The following SLC30A8 variants were observed in gnomAD, a reference collection of about 807,000 sequenced individuals.
SLC30A8 encodes the protein solute carrier family 30 member 8.
Under a neutral mutation model 36.9 loss-of-function variants are expected in SLC30A8, and 27 were observed. The ratio of observed to expected loss-of-function variants is 0.73; its 90% CI spans 0.54 to 1.01. SLC30A8 has a LOEUF of 1.01. Ranked by LOEUF, SLC30A8 falls within the 50% of genes least tolerant of loss-of-function variation. The pLI is 0.00. For missense variants in SLC30A8, 439 were observed against 452.0 expected, an observed-to-expected ratio of 0.97 and a Z score of 0.26; for synonymous variants, 164 against 172.4, an observed-to-expected ratio of 0.95 and a Z score of 0.38.
intron 1 of SLC30A8, among the ~76,000 whole-genome samples, chr8:116,996,608 G>A (rs571281984): frequency 1.3e-5 from 2 of 152,196 alleles, no homozygotes; most frequent in South Asian, 4.1e-4. Context: ...TGAGCAGGAA[G>A]GGTGATCTTG....
At chr8:117,097,817 T>TATATAATTTTAAATAA (rs1819493320) in intron 2 of SLC30A8, among the ~76,000 whole-genome samples, 2 of 73,090 alleles carry the variant, frequency 2.7e-5, no homozygotes, top group African/African-American at 5.4e-5. Flanking sequence ...TTTAAATAAA[T>TATATAATTTTAAATAA]ATATATATTA....
chr8:117,029,288 G>T (rs1055202864), intron 1 of SLC30A8, among the ~76,000 whole-genome samples: 11 of 152,066 alleles, frequency 7.2e-5, no homozygotes, highest in African/African-American at 2.7e-4. Context: ...TAATACTCAG[G>T]TCCTTGCAAT....
chr8:117,072,064 G>A (rs576398220), intron 2 of SLC30A8, among the ~76,000 whole-genome samples: 2 of 152,294 alleles, frequency 1.3e-5, no homozygotes, highest in South Asian at 4.1e-4. Flanking sequence ...ATTAACATAC[G>A]ATTGGAGGGC....
At chr8:117,077,457 C>T (rs759738011) in intron 2 of SLC30A8, among the ~76,000 whole-genome samples, 54 of 152,146 alleles carry the variant, frequency 3.5e-4, no homozygotes, top group Admixed American at 2.3e-3. Flanking sequence ...GTGCTATTGG[C>T]ATTGGATTTT....
At chr8:117,171,210 T>A in intron 7 of SLC30A8, 42 bp downstream of exon 7, 5 of 1,605,790 alleles carry the variant, frequency 3.1e-6, no homozygotes, top group Non-Finnish European at 4.3e-6. Flanking sequence ...ATTCAGTCCT[T>A]GTCCTGTAAA....
At chr8:116,972,883 G>A (rs911830336) in intron 1 of SLC30A8, among the ~76,000 whole-genome samples, 1 of 152,172 alleles carries the variant, frequency 6.6e-6, no homozygotes, top group African/African-American at 2.4e-5. Flanking sequence ...CTAGGGATGT[G>A]AATTTCCACT....
rs185331240 is a variant in SLC30A8, at chr8:117,077,830, A to C, written c.-226+38572A>C. Among the ~76,000 whole-genome samples the C allele has an allele frequency of 2.8e-3, 428 of 152,348 alleles. 6 individuals are homozygous for C. The highest frequency in any genetic ancestry group is 0.025 in the Admixed American group (385 of 15,298). ...CAATCTTTCTAGAGCGAGTCAAAGAAGACTAGCTGTACATGATTGCAAAAC... is the reference window on the plus strand; with the variant it reads ...CAATCTTTCTAGAGCGAGTCAAAGACGACTAGCTGTACATGATTGCAAAAC... On this transcript the variant is annotated intron_variant, in intron 2 of 10. Coordinates refer to the SLC30A8 transcript ENST00000427715.
upstream of SLC30A8, among the ~76,000 whole-genome samples, chr8:117,133,396 T>TTATG (rs1563617361): frequency 3.9e-5 from 6 of 152,098 alleles, no homozygotes; most frequent in South Asian, 8.3e-4. Context: ...TATATGTCAA[T>TTATG]TATGTATGTA....
intron 6 of SLC30A8, among the ~76,000 whole-genome samples, chr8:117,167,645 ATTC>A (rs1300606363): frequency 2.6e-5 from 4 of 152,034 alleles, no homozygotes; most frequent in African/African-American, 9.7e-5. Flanking sequence ...GATATACCCC[ATTC>A]TTCTTCACAG....
chr8:117,057,428 A>G (rs1817906654), intron 2 of SLC30A8, among the ~76,000 whole-genome samples: 3 of 152,100 alleles, frequency 2.0e-5, no homozygotes, highest in African/African-American at 7.2e-5. Context: ...TTAATTACCT[A>G]TAAGATGAAT....
At chr8:116,993,380 T>C (rs1467115384) in intron 1 of SLC30A8, among the ~76,000 whole-genome samples, 1 of 152,012 alleles carries the variant, frequency 6.6e-6, no homozygotes, top group African/African-American at 2.4e-5. Context: ...CTTGACAGAA[T>C]CAAGATGATT....
At chr8:117,012,681 T>C (rs768565165) in intron 1 of SLC30A8, among the ~76,000 whole-genome samples, 1 of 147,898 alleles carries the variant, frequency 6.8e-6, no homozygotes, top group Non-Finnish European at 1.5e-5. Flanking sequence ...TGTGTGTGTG[T>C]GCATGTGTGT....
At chr8:116,998,673 A>C (rs1406828787) in intron 1 of SLC30A8, among the ~76,000 whole-genome samples, 1 of 152,178 alleles carries the variant, frequency 6.6e-6, no homozygotes, top group Non-Finnish European at 1.5e-5. Context: ...GTGGCCCCAA[A>C]CCCAATAACT....
chr8:117,111,805 T>A (rs1820240220), intron 2 of SLC30A8, among the ~76,000 whole-genome samples: 1 of 152,140 alleles, frequency 6.6e-6, no homozygotes, highest in East Asian at 1.9e-4. Flanking sequence ...AACTCCCCAA[T>A]TACATGGTTT....
chr8:117,059,568 A>C (rs535348783), intron 2 of SLC30A8, among the ~76,000 whole-genome samples: 15 of 152,046 alleles, frequency 9.9e-5, no homozygotes, highest in Non-Finnish European at 1.9e-4. Context: ...CTACACCCCT[A>C]CTCATGAATA....
Position 117,172,547 on chromosome 8 carries a change from G to GAC in SLC30A8, c.978_979dup (p.Ser327ThrfsTer55), listed in dbSNP as rs750630299. The stretch of plus-strand genomic sequence containing the variant: ...TTCTTTATCAACAGCAGCCAGCCGG[G>GAC]ACAGCCAAGTGGTTCGGAGAGAAAT... On this transcript the variant is annotated frameshift_variant, in exon 8 of 8. Coordinates refer to ENST00000456015, the MANE Select transcript of SLC30A8 (RefSeq NM_173851.3). LOFTEE classifies it high-confidence loss of function. 51 of 1,613,636 alleles carry GAC rather than the reference G, an allele frequency of 3.2e-5. No homozygotes were observed. The African/African-American group carries it at 6.3e-4, about 20-fold the overall frequency.
chr8:117,087,532 T>C (rs1054650971), intron 2 of SLC30A8, among the ~76,000 whole-genome samples: 4 of 152,134 alleles, frequency 2.6e-5, no homozygotes, highest in Admixed American at 2.0e-4. Context: ...GCTGGCTTCG[T>C]CTTTTTTTTT....
chr8:117,015,544 C>A (rs1021527203), intron 1 of SLC30A8, among the ~76,000 whole-genome samples: 1 of 151,834 alleles, frequency 6.6e-6, no homozygotes. Flanking sequence ...GCACCCCCCC[C>A]CCCCAAAAAA....
intron 1 of SLC30A8, among the ~76,000 whole-genome samples, chr8:117,011,892 A>G (rs796760609): frequency 2.6e-5 from 4 of 152,372 alleles, no homozygotes; most frequent in African/African-American, 9.6e-5. Flanking sequence ...AAAGACCATG[A>G]GTAATGTGAA....
Sources: gnomAD v4.1 joint callset for allele counts (sites outside exome capture counted in the v4.1 genomes callset) on GRCh38, gnomAD v4.1.1 for gene constraint, MANE v1.5 for transcripts, NCBI Gene and HGNC (gene_info 2026-07-23, HGNC 2026-07-21) for gene names.